Variants in RBM20 observed in about 807,000 individuals in gnomAD.
RBM20 encodes RNA-binding protein 20.
In RBM20, 51 loss-of-function variants were observed where a neutral mutation model predicts 110.1. The ratio of observed to expected loss-of-function variants is 0.46; its 90% CI spans 0.37 to 0.59. The LOEUF (loss-of-function observed/expected upper bound fraction) is 0.59. RBM20 is among the 20% of genes least tolerant of loss of function. The pLI, the probability that RBM20 is intolerant of heterozygous loss-of-function variation, is 0.00. For synonymous variants in RBM20, 589 were observed against 618.2 expected (o/e 0.95, Z 0.70); for missense variants, 1,512 against 1,574.9 (o/e 0.96, Z 0.68).
chr10:110,786,102 A>C (rs932513881), intron 5 of RBM20, among the ~76,000 whole-genome samples: 3 of 152,072 alleles, frequency 2.0e-5, no homozygotes, highest in African/African-American at 7.3e-5. Flanking sequence ...CTGGGGTTTC[A>C]GTTGTTTTGT....
intron 1 of RBM20, among the ~76,000 whole-genome samples, chr10:110,730,570 G>A (rs757808418): frequency 1.1e-4 from 16 of 152,252 alleles, no homozygotes; most frequent in South Asian, 2.1e-4. Context: ...TGACATTGTG[G>A]CCTTGAACAA....
intron 7 of RBM20, among the ~76,000 whole-genome samples, chr10:110,804,026 G>T (rs1428579365): frequency 6.6e-6 from 1 of 152,086 alleles, no homozygotes; most frequent in East Asian, 1.9e-4. Flanking sequence ...CCTCTAGGTG[G>T]CATGATGGCT....
intron 1 of RBM20, among the ~76,000 whole-genome samples, chr10:110,649,797 G>C (rs1398289505): frequency 6.6e-6 from 1 of 152,190 alleles, no homozygotes; most frequent in Non-Finnish European, 1.5e-5. Context: ...GTAATTAGTG[G>C]TTTGCAGAAA....
chr10:110,826,313 T>A (rs1482420410), intron 12 of RBM20, among the ~76,000 whole-genome samples: 1 of 152,172 alleles, frequency 6.6e-6, no homozygotes, highest in Non-Finnish European at 1.5e-5. Flanking sequence ...TTTTGACCTA[T>A]AAATATACCT....
chr10:110,673,659 A>G (rs982710811), intron 1 of RBM20, among the ~76,000 whole-genome samples: 2 of 152,264 alleles, frequency 1.3e-5, no homozygotes, highest in Non-Finnish European at 2.9e-5. Flanking sequence ...AGAGCTTAGA[A>G]GGTACTGGCT....
chr10:110,829,146 C>T (rs1845017718), intron 12 of RBM20, among the ~76,000 whole-genome samples: 1 of 152,160 alleles, frequency 6.6e-6, no homozygotes, highest in Non-Finnish European at 1.5e-5. Flanking sequence ...CTCCTTTTTT[C>T]CCAGCTGCCC....
chr10:110,823,431 C>CTTT (rs201149204), intron 11 of RBM20, 49 bp from the exon 12 acceptor site: 25 of 1,303,048 alleles, frequency 1.9e-5, no homozygotes, highest in African/African-American at 1.2e-4. Context: ...TGTTGTATTT[C>CTTT]TTTTTTTTTT....
At chr10:110,668,488 C>T (rs558703677) in intron 1 of RBM20, among the ~76,000 whole-genome samples, 3 of 152,026 alleles carry the variant, frequency 2.0e-5, no homozygotes, top group African/African-American at 7.3e-5. Flanking sequence ...TTAGAAGCAG[C>T]GACTTGGGTT....
intron 1 of RBM20, among the ~76,000 whole-genome samples, chr10:110,675,577 T>C (rs1862328011): frequency 6.6e-6 from 1 of 152,208 alleles, no homozygotes; most frequent in African/African-American, 2.4e-5. Flanking sequence ...AAGCAGGGGT[T>C]CAGATGAACT....
At chr10:110,741,955 C>A (rs1843730291) in intron 1 of RBM20, among the ~76,000 whole-genome samples, 1 of 152,144 alleles carries the variant, frequency 6.6e-6, no homozygotes, top group Admixed American at 6.5e-5. Flanking sequence ...GGGCAGAACC[C>A]AAAAGCTGCT....
intron 1 of RBM20, among the ~76,000 whole-genome samples, chr10:110,779,296 TCA>T (rs1359630990): frequency 6.6e-6 from 1 of 152,072 alleles, no homozygotes; most frequent in African/African-American, 2.4e-5. Flanking sequence ...AATGATTTAA[TCA>T]AACATGCCTG....
Position 110,839,080 on chromosome 10 carries a change from C to T in RBM20, c.*3102C>T, listed in dbSNP as rs903295944. On this transcript the variant is annotated 3_prime_UTR_variant, in exon 14 of 14. Coordinates refer to ENST00000369519, the MANE Select transcript of RBM20 (RefSeq NM_001134363.3). ...CCCTTAAGCAACAGATTCATATTTA[C>T]CCTGGGTTAATACAACAAAAGGCCT... 1 of 152,164 alleles carries T rather than the reference C, an allele frequency of 6.6e-6. No homozygotes were observed. The highest frequency in any genetic ancestry group is 1.5e-5 in the Non-Finnish European group (1 of 68,026). 9.4% of individuals were successfully genotyped at this position (152,164 alleles called of 1,614,324 possible). A position where few individuals can be genotyped will look rare whatever the true frequency, so the allele number is the denominator to read the frequency against.
intron 1 of RBM20, among the ~76,000 whole-genome samples, chr10:110,743,549 C>CAT (rs937570459): frequency 1.5e-4 from 23 of 152,030 alleles, no homozygotes; most frequent in African/African-American, 5.6e-4. Context: ...CATACACACA[C>CAT]ACACACACAC....
chr10:110,739,930 G>A lies in RBM20; in HGVS notation c.192-40871G>A, dbSNP rs760753361. On this transcript the variant is annotated intron_variant, in intron 1 of 13. Coordinates refer to ENST00000369519, the MANE Select transcript of RBM20 (RefSeq NM_001134363.3). The surrounding 1 kb of genome is among the most constrained non-coding windows in gnomAD (Gnocchi z 4.1). ...CGTCTGGGTCCTCCTGCCCTCACTG[G>A]GTGTTCCCAGCCCCACTATACTGTC... Among the ~76,000 whole-genome samples, 5 of 152,204 alleles carry A rather than the reference G, an allele frequency of 3.3e-5. No homozygotes were observed. The highest frequency in any genetic ancestry group is 5.9e-5 in the Non-Finnish European group (4 of 68,036).
chr10:110,647,700 A>G (rs1451293224), intron 1 of RBM20, among the ~76,000 whole-genome samples: 1 of 152,218 alleles, frequency 6.6e-6, no homozygotes, highest in African/African-American at 2.4e-5. Flanking sequence ...ATAAGGATTT[A>G]TCTCCTCCAA....
At chr10:110,716,189 T>G (rs777717137) in intron 1 of RBM20, among the ~76,000 whole-genome samples, 4 of 152,228 alleles carry the variant, frequency 2.6e-5, no homozygotes, top group Non-Finnish European at 5.9e-5. Flanking sequence ...TTCCTAGTAA[T>G]GAGGAGGTAG....
At chr10:110,799,582 ATTTCCAGAATG>A (rs1844595069) in intron 6 of RBM20, among the ~76,000 whole-genome samples, 194 bp from the exon 7 acceptor site, 1 of 152,182 alleles carries the variant, frequency 6.6e-6, no homozygotes, top group African/African-American at 2.4e-5. Flanking sequence ...GATATAGAGC[ATTTCCAGAATG>A]TCAGGTTTCC....
intron 1 of RBM20, among the ~76,000 whole-genome samples, chr10:110,672,581 G>A (rs980348489): frequency 6.6e-5 from 10 of 152,212 alleles, no homozygotes; most frequent in Non-Finnish European, 2.9e-5. Context: ...GCGCGCTCGC[G>A]CCCCCACGGT....
intron 13 of RBM20, among the ~76,000 whole-genome samples, chr10:110,834,797 T>G (rs1845102181): frequency 6.6e-6 from 1 of 152,200 alleles, no homozygotes; most frequent in South Asian, 2.1e-4. Flanking sequence ...CTTTGCCTTT[T>G]CCTTGCTGCC....
Sources: allele counts gnomAD v4.1 joint callset (sites outside exome capture counted in the v4.1 genomes callset), GRCh38; gene constraint gnomAD v4.1.1; non-coding constraint Gnocchi (gnomAD v3.1); transcripts MANE v1.5; gene names NCBI Gene and HGNC (gene_info 2026-07-23, HGNC 2026-07-21).